The following ERBB2 variants were observed in gnomAD, a reference collection of about 807,000 sequenced individuals.
ERBB2 encodes receptor tyrosine-protein kinase erbB-2.
ERBB2 carries 61 observed loss-of-function variants against 149.0 expected under a neutral mutation model. That is an observed-to-expected ratio of 0.41 (90% CI 0.33 to 0.51). The LOEUF is 0.51. ERBB2 is among the 20% of genes least tolerant of loss of function. The pLI, the probability that ERBB2 is intolerant of heterozygous loss-of-function variation, is 0.25. For missense variants in ERBB2, 1,205 were observed against 1,655.1 expected, an observed-to-expected ratio of 0.73 and a Z score of 4.72; for synonymous variants, 633 against 678.8, an observed-to-expected ratio of 0.93 and a Z score of 1.05.
chr17:39,694,318 C>T (rs2904768), upstream of ERBB2, among the ~76,000 whole-genome samples: 50,071 of 83,650 alleles, frequency 0.6, 16,716 homozygotes, highest in South Asian at 0.71. Flanking sequence ...TATATATACA[C>T]ACACACATAT....
intron 13 of ERBB2, 36 bp downstream of exon 13, chr17:39,716,469 G>A (rs898179149): frequency 5.0e-6 from 8 of 1,613,682 alleles, no homozygotes; most frequent in Admixed American, 1.7e-5. Context: ...CTGGAGGGGT[G>A]CATGGGGCTC....
Position 39,715,361 on chromosome 17 carries a change from T to C in ERBB2, c.1222+2T>C. The C allele has an allele frequency of 6.2e-7, 1 of 1,613,978 alleles. No homozygotes were observed. The highest frequency in any genetic ancestry group is 8.5e-7 in the Non-Finnish European group (1 of 1,179,880). ...TTGAGACTCTGGAAGAGATCACAGG[T>C]GGGCTCTGTCTCTGCATCCTGTTCT... On this transcript the variant is annotated splice_donor_variant, in intron 10 of 26. Transcript: ENST00000269571. LOFTEE classifies it high-confidence loss of function.
At chr17:39,712,547 T>G (rs1597868624) in intron 9 of ERBB2, 99 bp downstream of exon 9, 1 of 1,419,128 alleles carries the variant, frequency 7.0e-7, no homozygotes, top group African/African-American at 1.4e-5. Context: ...GAGACAGAAG[T>G]GGGGGGATCA....
intron 16 of ERBB2, 55 bp downstream of exon 16, chr17:39,719,889 G>A (rs2145752129): frequency 6.4e-7 from 1 of 1,563,370 alleles, no homozygotes; most frequent in South Asian, 1.1e-5. Flanking sequence ...CCCACTGGAT[G>A]CTGGGTGGTC....
At chr17:39,691,966 G>T, upstream of ERBB2, among the ~76,000 whole-genome samples, 1 of 124,654 alleles carries the variant, frequency 8.0e-6, no homozygotes, top group African/African-American at 3.2e-5. Context: ...TATCTCTTGT[G>T]TCTCAGCCTC....
rs143047248 is a variant in ERBB2 at position 39,717,152 on chromosome 17, G to T, written c.1738-168G>T. Reference sequence around the variant, plus strand: ...AAGCTTGGAGGAGGGCCCCGAGGGAGGGGCCACAGAGACTGGGTGAAGAGC... The same window carrying T: ...AAGCTTGGAGGAGGGCCCCGAGGGATGGGCCACAGAGACTGGGTGAAGAGC... On this transcript the variant is annotated intron_variant, in intron 14 of 26. Coordinates refer to ENST00000269571, the MANE Select transcript of ERBB2 (RefSeq NM_004448.4). The T allele has an allele frequency of 1.8e-3, 982 of 546,684 alleles. 8 individuals are homozygous for T. The highest frequency in any genetic ancestry group is 0.017 in the African/African-American group (917 of 52,690). The allele number at this position is 546,684 out of a possible 1,614,324, so 33.9% of individuals were successfully genotyped here. A position where few individuals can be genotyped will look rare whatever the true frequency, so the allele number is the denominator to read the frequency against.
At chr17:39,714,651 C>T (rs770109614) in intron 9 of ERBB2, among the ~76,000 whole-genome samples, 6 of 152,130 alleles carry the variant, frequency 3.9e-5, no homozygotes, top group Non-Finnish European at 8.8e-5. Flanking sequence ...CCCCTATTTA[C>T]TAATAGACAT....
Position 39,700,133 on chromosome 17 carries a change from T to C in ERBB2, c.-106T>C. 7.6e-7 allele frequency: 1 copy of C among 1,309,268 alleles called. No homozygotes were observed. Among genetic ancestry groups the C allele is most frequent in the Non-Finnish European group, 9.7e-7 (1 of 1,035,132 alleles). 81.1% of individuals were successfully genotyped at this position (1,309,268 alleles called of 1,614,324 possible). A position where few individuals can be genotyped will look rare whatever the true frequency, so the allele number is the denominator to read the frequency against. On this transcript the variant is annotated 5_prime_UTR_variant, in exon 1 of 27. Transcript: ENST00000269571. ...CCGCGCGCCCCTTCCCACGGGGCCC[T>C]TTACTGCGCCGCGCGCCCGGCCCCC...
Position 39,727,704 on chromosome 17 carries a change from C to T in ERBB2, c.3428C>T (p.Pro1143Leu), listed in dbSNP as rs587778269. 16 of 1,554,740 alleles carry T rather than the reference C, an allele frequency of 1.0e-5. No homozygotes were observed. The South Asian group carries it at 1.9e-4, about 19-fold the overall frequency. The change falls in exon 27 of 27, where the codon CCA (proline) becomes CTA (leucine). Residue 1143 changes from proline to leucine, a missense_variant. By Grantham distance (98) the Pro-to-Leu change is moderately conservative. This residue lies in a region of ERBB2 where 312 missense variants were observed against 343.8 expected (regional missense o/e 0.91). Transcript: ENST00000269571. This position sits in a 1 kb window ranked among gnomAD's most constrained non-coding sequence, Gnocchi z 4.3. The part of the protein sequence containing the change: ...CSPQPEYVNQ[P>L]DVRPQPPSPR... ...GACCTTTCAGAATATGTGAACCAGC[C>T]AGATGTTCGGCCCCAGCCCCCTTCG...
In ERBB2 at chr17:39,726,558, C is replaced by G. The variant is rs759738353; in HGVS notation, c.2873-4C>G. ...CTAGCATGCTGACCTCCCTCCTGCC[C>G]CAGGTTGGATGATTGACTCTGAATG... On this transcript the variant is annotated splice_polypyrimidine_tract_variant and splice_region_variant and intron_variant, in intron 23 of 26. Coordinates refer to ENST00000269571, the MANE Select transcript of ERBB2 (RefSeq NM_004448.4). The surrounding 1 kb of genome is among the most constrained non-coding windows in gnomAD (Gnocchi z 5.1). 2 of 1,613,756 alleles carry G rather than the reference C, an allele frequency of 1.2e-6. No individual in the cohort carries two copies. The highest frequency in any genetic ancestry group is 1.3e-5 in the African/African-American group (1 of 75,010).
At chr17:39,716,664 G>T (rs911410272) in intron 14 of ERBB2, 59 bp downstream of exon 14, 1 of 1,464,916 alleles carries the variant, frequency 6.8e-7, no homozygotes. Flanking sequence ...GATTGCCAGG[G>T]ACTTGGCAGG....
At chr17:39,713,489 G>A (rs933942946) in intron 9 of ERBB2, among the ~76,000 whole-genome samples, 8 of 150,048 alleles carry the variant, frequency 5.3e-5, no homozygotes, top group Non-Finnish European at 1.0e-4. Flanking sequence ...GGTGGCTCAC[G>A]CCTGTAATCC....
chr17:39,712,466 G>T lies in ERBB2; in HGVS notation c.1148+18G>T, dbSNP rs2145581164. ...TTTGATGGGTAAGAGTGGGCACGAT[G>T]ACCTGAGACAGTGTCAGGGCAGACA... On this transcript the variant is annotated intron_variant, in intron 9 of 26. Transcript: ENST00000269571. The T allele has an allele frequency of 1.2e-6, 2 of 1,612,172 alleles. No individual in the cohort carries two copies. Among genetic ancestry groups the T allele is most frequent in the Non-Finnish European group, 1.7e-6 (2 of 1,179,188 alleles).
chr17:39,705,729 C>T (rs1406716077), intron 1 of ERBB2, among the ~76,000 whole-genome samples: 2 of 152,074 alleles, frequency 1.3e-5, no homozygotes, highest in East Asian at 3.9e-4. Context: ...GGGGGTACCT[C>T]GTATTACCCC....
rs534060690 is a variant in ERBB2 at position 39,721,564 on chromosome 17, G to A, written c.1946+1730G>A. ...GCTGGGATTACAGGTGTGAGCCATC[G>A]TGCCTGGCGGAGCCGAGTCTTAAAA... On this transcript the variant is annotated intron_variant, in intron 16 of 26. Transcript: ENST00000269571. 5.3e-5 allele frequency among the ~76,000 whole-genome samples: 8 copies of A among 152,328 alleles called. No individual in the cohort carries two copies. The East Asian group carries it at 1.2e-3, about 22-fold the overall frequency.
At chr17:39,694,119 G>A (rs1395709056), upstream of ERBB2, among the ~76,000 whole-genome samples, 70 of 136,130 alleles carry the variant, frequency 5.1e-4, no homozygotes, top group African/African-American at 1.8e-3. Context: ...ACTCGAATCC[G>A]GGACACGGAG....
At chr17:39,705,905 C>T (rs2058402582) in intron 1 of ERBB2, among the ~76,000 whole-genome samples, 1 of 152,128 alleles carries the variant, frequency 6.6e-6, no homozygotes, top group African/African-American at 2.4e-5. Flanking sequence ...CCTGAGGGTG[C>T]CCTCTGCCCC....
At chr17:39,717,298 A>G in intron 14 of ERBB2, 22 bp from the exon 15 acceptor site, 1 of 1,581,760 alleles carries the variant, frequency 6.3e-7, no homozygotes. Flanking sequence ...AGCCCCCCAC[A>G]AATCTTTTCT....
chr17:39,725,389 T>C lies in ERBB2; in HGVS notation c.2712T>C (p.Asp904=). 4 of 1,599,108 alleles carry C rather than the reference T, an allele frequency of 2.5e-6. No individual in the cohort carries two copies. Among genetic ancestry groups the C allele is most frequent in the Non-Finnish European group, 3.4e-6 (4 of 1,170,570 alleles). ...GCCGGCGGTTCACCCACCAGAGTGATGTGTGGAGTTATGGTGTGTGATGGG... is the reference window on the plus strand; with the variant it reads ...GCCGGCGGTTCACCCACCAGAGTGACGTGTGGAGTTATGGTGTGTGATGGG... ...ILRRRFTHQS[D]VWSYGVTVWE... Residue 904 remains aspartate (D), a synonymous_variant, in exon 22 of 27, where the codon GAT becomes GAC. Coordinates refer to ENST00000269571, the MANE Select transcript of ERBB2 (RefSeq NM_004448.4). The surrounding 1 kb of genome is among the most constrained non-coding windows in gnomAD (Gnocchi z 4.6).
Sources: gnomAD v4.1 joint callset for allele counts (sites outside exome capture counted in the v4.1 genomes callset) on GRCh38, gnomAD v4.1.1 for gene constraint, gnomAD v4.1.1 regional missense constraint, Gnocchi (gnomAD v3.1) non-coding constraint, MANE v1.5 for transcripts, NCBI Gene and HGNC (gene_info 2026-07-23, HGNC 2026-07-21) for gene names.